HSPA12A: variants seen among roughly 807,000 people sequenced by gnomAD.
HSPA12A encodes heat shock protein family A (Hsp70) member 12A.
HSPA12A carries 28 observed loss-of-function variants against 69.2 expected under a neutral mutation model. The ratio of observed to expected loss-of-function variants is 0.40; its 90% confidence interval spans 0.30 to 0.55. The LOEUF is 0.55. HSPA12A is among the 20% of genes least tolerant of loss of function. The pLI, the probability that HSPA12A is intolerant of heterozygous loss-of-function variation, is 0.38. For missense variants in HSPA12A, 686 were observed against 900.7 expected (o/e 0.76, Z 3.05); for synonymous variants, 345 against 370.5 (o/e 0.93, Z 0.79).
intron 10 of HSPA12A, among the ~76,000 whole-genome samples, chr10:116,676,909 G>C (rs745612148): frequency 6.6e-6 from 1 of 152,200 alleles, no homozygotes; most frequent in Non-Finnish European, 1.5e-5. Context: ...TGTGCGCTCA[G>C]GTGCATGTCC....
At chr10:116,805,816 C>A (rs533411015) in intron 2 of HSPA12A, among the ~76,000 whole-genome samples, 8 of 152,326 alleles carry the variant, frequency 5.3e-5, no homozygotes, top group Non-Finnish European at 7.4e-5. Flanking sequence ...CAAATCAAGT[C>A]TTTTCAATTA....
In HSPA12A at chr10:116,672,044, A is replaced by G. The variant is rs1849098692; in HGVS notation, c.*2737T>C. 1 of 152,192 alleles carries G rather than the reference A, an allele frequency of 6.6e-6. No individual in the cohort carries two copies. The highest frequency in any genetic ancestry group is 1.5e-5 in the Non-Finnish European group (1 of 68,028). The allele number at this position is 152,192 out of a possible 1,614,324, so 9.4% of individuals were successfully genotyped here. On this transcript the variant is annotated 3_prime_UTR_variant, in exon 12 of 12. Coordinates refer to ENST00000369209, the MANE Select transcript of HSPA12A (RefSeq NM_025015.3). ...CAACACTGCAGATTTCTATCTGCTC[A>G]TTTAAGAGAAACAGTACACAGGGAG...
At chr10:116,843,797 C>A (rs7080758) in intron 1 of HSPA12A, among the ~76,000 whole-genome samples, 8,243 of 152,242 alleles carry the variant, frequency 0.054, 704 homozygotes, top group African/African-American at 0.18. Context: ...TGGAGATTCC[C>A]ATTTAATCGG....
At chr10:116,734,319 A>G (rs1851245653) in intron 1 of HSPA12A, among the ~76,000 whole-genome samples, 2 of 152,084 alleles carry the variant, frequency 1.3e-5, no homozygotes, top group African/African-American at 4.8e-5. Context: ...ACATGGTGGC[A>G]CACACCTGTA....
At chr10:116,787,440 CAAAAAAAAAAAAA>C (rs776783179) in intron 2 of HSPA12A, among the ~76,000 whole-genome samples, 9 of 68,624 alleles carry the variant, frequency 1.3e-4, no homozygotes, top group African/African-American at 5.0e-4. Context: ...CTCTAGCCAG[CAAAAAAAAAAAAA>C]AAAAAAAAAA....
At chr10:116,699,749 T>C (rs1420870871) in intron 4 of HSPA12A, among the ~76,000 whole-genome samples, 1 of 152,112 alleles carries the variant, frequency 6.6e-6, no homozygotes, top group Non-Finnish European at 1.5e-5. Flanking sequence ...TGGCTCTGAA[T>C]TGAAAAAAAT....
chr10:116,770,836 C>G (rs747294679), intron 2 of HSPA12A, among the ~76,000 whole-genome samples: 7 of 152,224 alleles, frequency 4.6e-5, no homozygotes, highest in Non-Finnish European at 7.3e-5. Context: ...AACATGGAAG[C>G]CTCAAATGCC....
chr10:116,815,581 AT>A (rs1264185771), intron 2 of HSPA12A, among the ~76,000 whole-genome samples: 2 of 152,202 alleles, frequency 1.3e-5, no homozygotes, highest in Admixed American at 6.5e-5. Context: ...TCTCAAAAAA[AT>A]AAATAAGTAA....
At chr10:116,736,003 A>AT (rs1554886401) in intron 1 of HSPA12A, among the ~76,000 whole-genome samples, 1 of 152,160 alleles carries the variant, frequency 6.6e-6, no homozygotes, top group Non-Finnish European at 1.5e-5. Context: ...CTTAAAATAA[A>AT]TTTTTTTAAA....
chr10:116,845,934 T>G (rs2133227981), intron 1 of HSPA12A, among the ~76,000 whole-genome samples: 1 of 152,350 alleles, frequency 6.6e-6, no homozygotes, highest in East Asian at 1.9e-4. Context: ...ATAAACCCCT[T>G]GCACACCAAC....
At chr10:116,738,583 C>T (rs1851383272) in intron 1 of HSPA12A, among the ~76,000 whole-genome samples, 1 of 152,092 alleles carries the variant, frequency 6.6e-6, no homozygotes, top group Non-Finnish European at 1.5e-5. Flanking sequence ...CACAGGGTTG[C>T]TGGAGGAGTC....
In HSPA12A at chr10:116,674,945, C is replaced by G. The variant is rs1849183250; in HGVS notation, c.1864G>C (p.Gly622Arg). Residue 622 changes from glycine to arginine, a missense_variant, in exon 12 of 12, where the codon GGC becomes CGC. By Grantham distance (125) the Gly-to-Arg change is moderately radical. Transcript: ENST00000369209. ...FITDPGVKKC[G>R]TLRLDLTGTS... ...CCTGTGAGATCCAGGCGGAGCGTGC[C>G]ACACTTCTTCACCCCGGGATCAGTG... The G allele has an allele frequency of 6.2e-7, 1 of 1,614,038 alleles. No homozygotes were observed. The highest frequency in any genetic ancestry group is 1.1e-5 in the South Asian group (1 of 91,076).
chr10:116,812,563 C>T (rs1041381541), intron 2 of HSPA12A, among the ~76,000 whole-genome samples: 1 of 151,982 alleles, frequency 6.6e-6, no homozygotes, highest in Non-Finnish European at 1.5e-5. Flanking sequence ...TTGTGGCTGA[C>T]CACTGCAACC....
intron 1 of HSPA12A, among the ~76,000 whole-genome samples, chr10:116,721,653 A>C (rs559503126): frequency 1.3e-5 from 2 of 152,156 alleles, no homozygotes; most frequent in East Asian, 3.9e-4. Context: ...AACCCATCCT[A>C]ATCCCCATCC....
At chr10:116,747,626 C>G (rs1851677700) in intron 2 of HSPA12A, among the ~76,000 whole-genome samples, 2 of 152,232 alleles carry the variant, frequency 1.3e-5, no homozygotes, top group Admixed American at 6.5e-5. Flanking sequence ...TTCCTCTTCT[C>G]CAGCCCACAG....
rs1003290201 is a variant in HSPA12A, at chr10:116,687,254, G to T, written c.664-3292C>A. Among the ~76,000 whole-genome samples, 12 of 152,156 alleles carry T rather than the reference G, an allele frequency of 7.9e-5. 1 individual carries two copies. The highest frequency in any genetic ancestry group is 2.0e-4 in the Admixed American group (3 of 15,278). On this transcript the variant is annotated intron_variant, in intron 6 of 11. Transcript: ENST00000369209. ...AAAGCTTTGGCCTGTTTCCATAGGGGGTTCCCCACTGTACCAAGATGAGGA... is the reference window on the plus strand; with the variant it reads ...AAAGCTTTGGCCTGTTTCCATAGGGTGTTCCCCACTGTACCAAGATGAGGA...
intron 1 of HSPA12A, among the ~76,000 whole-genome samples, chr10:116,720,900 G>A (rs114277438): frequency 6.4e-4 from 97 of 152,326 alleles, no homozygotes; most frequent in African/African-American, 2.2e-3. Flanking sequence ...ACTGCAGCCT[G>A]GAGGGGAGGC....
At chr10:116,719,579 T>C (rs1261993639) in intron 1 of HSPA12A, among the ~76,000 whole-genome samples, 1 of 152,234 alleles carries the variant, frequency 6.6e-6, no homozygotes, top group Non-Finnish European at 1.5e-5. Flanking sequence ...TATGCAATCT[T>C]GAACAAATTA....
rs1849170545 is a variant in HSPA12A at position 116,674,614 on chromosome 10, T to C, written c.*167A>G. The C allele has an allele frequency of 1.5e-6, 1 of 666,300 alleles. No individual in the cohort carries two copies. The highest frequency in any genetic ancestry group is 2.5e-6 in the Non-Finnish European group (1 of 398,144). 41.3% of individuals were successfully genotyped at this position (666,300 alleles called of 1,614,324 possible). On this transcript the variant is annotated 3_prime_UTR_variant, in exon 12 of 12. Coordinates refer to ENST00000369209, the MANE Select transcript of HSPA12A (RefSeq NM_025015.3). ...AATTTCTGTTTTTCTGACTCCAGTGTGCCCTCAAAAGTCACTAATTATTTC... is the reference window on the plus strand; with the variant it reads ...AATTTCTGTTTTTCTGACTCCAGTGCGCCCTCAAAAGTCACTAATTATTTC...
Sources: allele counts gnomAD v4.1 joint callset (sites outside exome capture counted in the v4.1 genomes callset), GRCh38; gene constraint gnomAD v4.1.1; transcripts MANE v1.5; gene names NCBI Gene and HGNC (gene_info 2026-07-23, HGNC 2026-07-21).